The following TRAPPC9 variants were observed in gnomAD, a reference collection of about 807,000 sequenced individuals.
The protein encoded by TRAPPC9 is IKK2 binding protein.
TRAPPC9 carries 83 observed loss-of-function variants against 124.0 expected under a neutral mutation model. The observed-to-expected ratio is 0.67, with a 90% confidence interval of 0.56 to 0.80. The LOEUF is 0.80. TRAPPC9 is among the 30% of genes least tolerant of loss of function. TRAPPC9 has a pLI of 0.00. For missense variants in TRAPPC9, 1,302 were observed against 1,508.3 expected (o/e 0.86, Z 2.27); for synonymous variants, 638 against 617.5 (o/e 1.03, Z -0.49).
intron 18 of TRAPPC9, among the ~76,000 whole-genome samples, chr8:139,999,838 C>T (rs1374191706): frequency 6.6e-6 from 1 of 151,816 alleles, no homozygotes; most frequent in Non-Finnish European, 1.5e-5. Context: ...AGAGGAAGCC[C>T]CAAGAGAAAT....
chr8:139,950,862 T>C (rs1338495519), intron 19 of TRAPPC9, among the ~76,000 whole-genome samples: 1 of 152,180 alleles, frequency 6.6e-6, no homozygotes, highest in African/African-American at 2.4e-5. Flanking sequence ...AAGGCCTCTT[T>C]GGTATGCACC....
chr8:139,948,176 A>G (rs1834387752), intron 19 of TRAPPC9, among the ~76,000 whole-genome samples: 1 of 151,574 alleles, frequency 6.6e-6, no homozygotes, highest in Non-Finnish European at 1.5e-5. Flanking sequence ...GCACTGTTTT[A>G]GATGGAAGGG....
intron 21 of TRAPPC9, among the ~76,000 whole-genome samples, chr8:139,784,875 G>C (rs567457146): frequency 2.0e-5 from 3 of 152,006 alleles, no homozygotes; most frequent in Admixed American, 6.6e-5. Flanking sequence ...AAAGATGTCA[G>C]TTCTCCCCAG....
At chr8:140,312,755 CTTCTTTTTTTTTTTT>C (rs896648922) in intron 9 of TRAPPC9, among the ~76,000 whole-genome samples, 8 of 143,746 alleles carry the variant, frequency 5.6e-5, no homozygotes, top group African/African-American at 2.1e-4. Context: ...TCTTCTTCTT[CTTCTTTTTTTTTTTT>C]TTTTTTTGAA....
chr8:139,981,511 A>G (rs1836895965), intron 19 of TRAPPC9, among the ~76,000 whole-genome samples: 1 of 152,248 alleles, frequency 6.6e-6, no homozygotes, highest in African/African-American at 2.4e-5. Context: ...AATAAGCCTC[A>G]ATAACAACCT....
At chr8:140,279,401 T>C (rs1229833369) in intron 14 of TRAPPC9, among the ~76,000 whole-genome samples, 1 of 152,274 alleles carries the variant, frequency 6.6e-6, no homozygotes, top group Non-Finnish European at 1.5e-5. Flanking sequence ...GGAATGTTCA[T>C]ATTAGATTAA....
intron 19 of TRAPPC9, among the ~76,000 whole-genome samples, chr8:139,949,469 G>C (rs1017984801): frequency 6.6e-5 from 10 of 152,142 alleles, no homozygotes; most frequent in Non-Finnish European, 2.9e-5. Context: ...CGTCATTCGT[G>C]ACAGACAAAA....
At chr8:139,957,800 G>A (rs1835098709) in intron 19 of TRAPPC9, among the ~76,000 whole-genome samples, 1 of 152,206 alleles carries the variant, frequency 6.6e-6, no homozygotes, top group Admixed American at 6.5e-5. Context: ...CTCGGGCCGA[G>A]CCATCAGCAG....
In TRAPPC9 at chr8:140,193,217, T is replaced by C. The variant is rs537070626; in HGVS notation, c.2556+28242A>G. 3.3e-5 allele frequency among the ~76,000 whole-genome samples: 5 copies of C among 152,344 alleles called. No homozygotes were observed. The South Asian group carries it at 1.0e-3, about 32-fold the overall frequency. ...ATCTTTCAAATCCCTGGCTCATCAA[T>C]CTAAAATGTGAAAATGTGTTCTGAA... is the stretch of plus-strand genomic sequence containing the variant. On this transcript the variant is annotated intron_variant, in intron 17 of 22. Coordinates refer to ENST00000438773, the MANE Select transcript of TRAPPC9 (RefSeq NM_001160372.4).
intron 17 of TRAPPC9, among the ~76,000 whole-genome samples, chr8:140,065,225 G>A (rs1012797085): frequency 1.3e-5 from 2 of 152,184 alleles, no homozygotes; most frequent in African/African-American, 4.8e-5. Context: ...AGATGAAGAA[G>A]CTGCAAAAGA....
intron 20 of TRAPPC9, among the ~76,000 whole-genome samples, chr8:139,888,822 C>G (rs1830170345): frequency 6.6e-6 from 1 of 152,212 alleles, no homozygotes; most frequent in Non-Finnish European, 1.5e-5. Context: ...TTCTAGCATT[C>G]ACCTCATTCA....
chr8:140,376,080 G>C (rs2068429274), intron 7 of TRAPPC9, among the ~76,000 whole-genome samples: 1 of 152,100 alleles, frequency 6.6e-6, no homozygotes. Flanking sequence ...CCGGAGTAGG[G>C]GTATGAGGCA....
At chr8:140,397,476 T>C in intron 7 of TRAPPC9, 144 bp downstream of exon 7, 5 of 918,812 alleles carry the variant, frequency 5.4e-6, no homozygotes, top group Non-Finnish European at 8.6e-6. Flanking sequence ...CAAATAACCA[T>C]GTTAATTAGA....
intron 15 of TRAPPC9, among the ~76,000 whole-genome samples, chr8:140,258,449 A>G (rs2064322904): frequency 1.3e-5 from 2 of 152,238 alleles, no homozygotes; most frequent in African/African-American, 4.8e-5. Context: ...AGCACATGGC[A>G]CTAACCTAGT....
At chr8:140,006,960 T>C (rs1838799099) in intron 18 of TRAPPC9, among the ~76,000 whole-genome samples, 1 of 152,184 alleles carries the variant, frequency 6.6e-6, no homozygotes. Flanking sequence ...ACAGTTTAAG[T>C]GGGCGACTTA....
In TRAPPC9 at chr8:139,730,738, C is replaced by A. The variant is rs1016186923; in HGVS notation, c.*323G>T. The A allele has an allele frequency of 1.8e-5, 7 of 396,636 alleles. No individual in the cohort carries two copies. Among genetic ancestry groups the A allele is most frequent in the South Asian group, 1.7e-4 (6 of 35,204 alleles). The allele number at this position is 396,636 out of a possible 1,614,324, so 24.6% of individuals were successfully genotyped here. Reference sequence around the variant, plus strand: ...GATGAGCAGCACAGCACGGCTGGGGCCCCAGGTCACAGAAATGGGTGCAGG... The same window carrying A: ...GATGAGCAGCACAGCACGGCTGGGGACCCAGGTCACAGAAATGGGTGCAGG... On this transcript the variant is annotated 3_prime_UTR_variant, in exon 23 of 23. Transcript: ENST00000438773.
intron 8 of TRAPPC9, among the ~76,000 whole-genome samples, chr8:140,360,508 A>G (rs1411105300): frequency 6.6e-6 from 1 of 152,230 alleles, no homozygotes; most frequent in Non-Finnish European, 1.5e-5. Flanking sequence ...TGAGCTAGAG[A>G]CATACTTTTT....
chr8:140,111,136 A>AC (rs2060767632), intron 17 of TRAPPC9, among the ~76,000 whole-genome samples: 1 of 150,532 alleles, frequency 6.6e-6, no homozygotes, highest in Non-Finnish European at 1.5e-5. Flanking sequence ...GTCCCCAGTT[A>AC]CCCCTCTGAG....
chr8:140,113,171 GT>G (rs2060814795), intron 17 of TRAPPC9, among the ~76,000 whole-genome samples: 1 of 152,232 alleles, frequency 6.6e-6, no homozygotes, highest in Non-Finnish European at 1.5e-5. Context: ...AGGCCCAGCA[GT>G]GACTTATGTC....
Sources: allele counts gnomAD v4.1 joint callset (sites outside exome capture counted in the v4.1 genomes callset), GRCh38; gene constraint gnomAD v4.1.1; transcripts MANE v1.5; gene names NCBI Gene and HGNC (gene_info 2026-07-23, HGNC 2026-07-21).